ITLN2: variants seen among roughly 807,000 people sequenced by gnomAD.
The protein encoded by ITLN2 is intelectin 2, also known as intelectin-2.
ITLN2 carries 29 observed loss-of-function variants against 39.4 expected under a neutral mutation model. The ratio of observed to expected loss-of-function variants is 0.74; its 90% CI spans 0.55 to 1.00. The LOEUF is 1.00. Ranked by LOEUF, ITLN2 falls within the 50% of genes least tolerant of loss-of-function variation. ITLN2 has a pLI of 0.00. For missense variants in ITLN2, 412 were observed against 416.7 expected, an observed-to-expected ratio of 0.99 and a Z score of 0.10; for synonymous variants, 156 against 153.4, an observed-to-expected ratio of 1.02 and a Z score of -0.12.
chr1:160,954,764 T>C lies in ITLN2; in HGVS notation c.-23A>G. ...CATCCTTACAGATGCCAGGAGCTGA[T>C]AGTTCCCTTCCTGTGGACACTCGGA... On this transcript the variant is annotated 5_prime_UTR_variant, in exon 1 of 8. Coordinates refer to ENST00000368029, the MANE Select transcript of ITLN2 (RefSeq NM_080878.3). 1.2e-6 allele frequency: 2 copies of C among 1,613,696 alleles called. No individual in the cohort carries two copies. Among genetic ancestry groups the C allele is most frequent in the Non-Finnish European group, 1.7e-6 (2 of 1,179,738 alleles).
chr1:160,950,187 G>T (rs1671708912), intron 5 of ITLN2, 21 bp from the exon 6 acceptor site: 1 of 1,613,294 alleles, frequency 6.2e-7, no homozygotes, highest in Admixed American at 1.7e-5. Flanking sequence ...CCAGAAGAAA[G>T]GTTTTGTGAG....
rs771418333 is a variant in ITLN2 at position 160,950,584 on chromosome 1, C to G, written c.569G>C (p.Arg190Thr). 7 of 1,614,084 alleles carry G rather than the reference C, an allele frequency of 4.3e-6. No homozygotes were observed. The East Asian group carries it at 1.1e-4, about 26-fold the overall frequency. ...GATGCCAAACAGATTATGTCCCAGT[C>G]TCTGGAGGAAGCCAGTGTTGGTGCG... ...RYRTNTGFLQRLGHNLFGIYQ... is the reference protein window; with the variant it reads ...RYRTNTGFLQTLGHNLFGIYQ... The change falls in exon 5 of 8, where the codon AGA (arginine) becomes ACA (threonine). Residue 190 changes from arginine to threonine, a missense_variant. Physicochemically the swap from Arg to Thr is moderately conservative, Grantham distance 71. Coordinates refer to ENST00000368029, the MANE Select transcript of ITLN2 (RefSeq NM_080878.3).
intron 7 of ITLN2, among the ~76,000 whole-genome samples, 159 bp from the exon 8 acceptor site, chr1:160,945,451 G>T (rs1488846976): frequency 6.6e-6 from 1 of 152,174 alleles, no homozygotes; most frequent in Non-Finnish European, 1.5e-5. Context: ...CTGGCCCTAT[G>T]CATGTATTTT....
intron 5 of ITLN2, 78 bp from the exon 6 acceptor site, chr1:160,950,244 T>C: frequency 1.4e-6 from 2 of 1,467,320 alleles, no homozygotes; most frequent in Non-Finnish European, 1.9e-6. Flanking sequence ...GGGTTTCAAA[T>C]TAACTGCCAT....
Position 160,954,372 on chromosome 1 carries a change from T to C in ITLN2, c.79+15A>G, listed in dbSNP as rs759322242. 5.8e-5 allele frequency: 90 copies of C among 1,556,156 alleles called. No individual in the cohort carries two copies. The South Asian group carries it at 1.0e-3, about 18-fold the overall frequency. ...GCCCAGGAAACTGCAGCTCCTACTC[T>C]CAGAAGCCATTTACCTGCACTGCAC... On this transcript the variant is annotated intron_variant, in intron 2 of 7. Transcript: ENST00000368029.
intron 3 of ITLN2, chr1:160,951,558 A>T: frequency 2.5e-6 from 1 of 404,554 alleles, no homozygotes; most frequent in Admixed American, 4.2e-5. Flanking sequence ...CGACAGTGCC[A>T]CCCTGTGGCC....
rs2101941715 is a variant in ITLN2, at chr1:160,954,035, C to T, written c.79+352G>A. ...GGTGTACCCTGGACACAGCACTGAT[C>T]ACCCAGCTGCCTCTGGAGATCCCAA... On this transcript the variant is annotated intron_variant, in intron 2 of 7. Transcript: ENST00000368029. Among the ~76,000 whole-genome samples, 4 of 152,280 alleles carry T rather than the reference C, an allele frequency of 2.6e-5. No homozygotes were observed. The South Asian group carries it at 8.3e-4, about 32-fold the overall frequency.
intron 2 of ITLN2, 123 bp downstream of exon 2, chr1:160,954,264 C>T: frequency 2.7e-6 from 2 of 750,520 alleles, no homozygotes; most frequent in South Asian, 1.8e-5. Flanking sequence ...GGGTTCCCTG[C>T]CTCTCCAGAA....
intron 1 of ITLN2, 136 bp downstream of exon 1, chr1:160,954,591 A>G: frequency 8.2e-7 from 1 of 1,223,580 alleles, no homozygotes; most frequent in Non-Finnish European, 1.2e-6. Context: ...CTCCTGGAAT[A>G]TGCCCCACGG....
At chr1:160,947,651 CTT>C (rs1671636683) in intron 7 of ITLN2, among the ~76,000 whole-genome samples, 1 of 152,236 alleles carries the variant, frequency 6.6e-6, no homozygotes, top group South Asian at 2.1e-4. Flanking sequence ...ATGGCGATGA[CTT>C]TTACCAAGCA....
rs192670612 is a variant in ITLN2, at chr1:160,954,627, G to A, written c.15+100C>T. 1.5e-5 allele frequency: 21 copies of A among 1,424,934 alleles called. No homozygotes were observed. In the East Asian group the frequency reaches 3.0e-4, roughly 20 times the overall value. The allele number at this position is 1,424,934 out of a possible 1,614,324, so 88.3% of individuals were successfully genotyped here. ...CTGTCCAACACTACAAATACCCAAG[G>A]GGCCATGGGCTCATTTCCCTGAAAC... On this transcript the variant is annotated intron_variant, in intron 1 of 7. Transcript: ENST00000368029.
rs1228645831 is a variant in ITLN2 at position 160,950,129 on chromosome 1, T to G, written c.638A>C (p.Asn213Thr). The change falls in exon 6 of 8, where the codon AAT becomes ACT. Residue 213 changes from asparagine (N) to threonine (T), a missense_variant. Coordinates refer to ENST00000368029, the MANE Select transcript of ITLN2 (RefSeq NM_080878.3). ...PVKYRSGKCW[N>T]DNGPAIPVVY... ...CACAGGTATGGCTGGGCCATTGTCA[T>G]TCCAACATTTCCCTGATCTGTATTT... The G allele has an allele frequency of 3.1e-6, 5 of 1,613,732 alleles. No individual in the cohort carries two copies. Among genetic ancestry groups the G allele is most frequent in the Non-Finnish European group, 3.4e-6 (4 of 1,179,734 alleles).
Position 160,954,798 on chromosome 1 carries a change from G to A in ITLN2, c.-57C>T. ...TCCTGTGGACACTCGGAGCTCCCCT[G>A]CAGAGGATCCTGATGAAGGGTGAAG... On this transcript the variant is annotated 5_prime_UTR_variant, in exon 1 of 8. Transcript: ENST00000368029. The A allele has an allele frequency of 6.3e-7, 1 of 1,590,532 alleles. No homozygotes were observed. The highest frequency in any genetic ancestry group is 8.6e-7 in the Non-Finnish European group (1 of 1,159,782).
chr1:160,945,110 G>A lies in ITLN2; in HGVS notation c.*30C>T, dbSNP rs768742905. On this transcript the variant is annotated 3_prime_UTR_variant, in exon 8 of 8. Transcript: ENST00000368029. Reference sequence around the variant, plus strand: ...CCAAATAGCCGGGGTTGGAAGATGGGTTCTCGCCCTGACACCGCAGAGCTC... The same window carrying A: ...CCAAATAGCCGGGGTTGGAAGATGGATTCTCGCCCTGACACCGCAGAGCTC... The A allele has an allele frequency of 3.2e-6, 5 of 1,548,104 alleles. No homozygotes were observed. The highest frequency in any genetic ancestry group is 1.3e-5 in the South Asian group (1 of 79,424).
At chr1:160,950,337 CTCTT>C (rs1239524289) in intron 5 of ITLN2, among the ~76,000 whole-genome samples, 171 bp from the exon 6 acceptor site, 1 of 152,192 alleles carries the variant, frequency 6.6e-6, no homozygotes, top group East Asian at 1.9e-4. Flanking sequence ...TTGTCCCTGT[CTCTT>C]TCTCCCCATG....
chr1:160,947,417 C>T (rs1671630267), intron 7 of ITLN2, among the ~76,000 whole-genome samples: 1 of 152,214 alleles, frequency 6.6e-6, no homozygotes, highest in Non-Finnish European at 1.5e-5. Flanking sequence ...AAGCCTTCCT[C>T]TTACCTCAAC....
chr1:160,951,141 G>A lies in ITLN2; in HGVS notation c.343C>T (p.Gln115Ter). The A allele has an allele frequency of 4.3e-6, 7 of 1,614,166 alleles. No individual in the cohort carries two copies. Among genetic ancestry groups the A allele is most frequent in the Non-Finnish European group, 5.9e-6 (7 of 1,180,022 alleles). ...KCTVGDRWSS[Q>*]QGNKADYPEG... is the part of the protein sequence containing the mutation. ...GGGTAGTCTGCTTTGTTGCCCTGCT[G>A]ACTGGACCAGCGATCACCCACCGTG... The change falls in exon 4 of 8, where the codon CAG (glutamine) becomes TAG (stop). Residue 115 changes from glutamine to a stop codon, truncating the protein, a stop_gained. Coordinates refer to ENST00000368029, the MANE Select transcript of ITLN2 (RefSeq NM_080878.3). LOFTEE classifies it high-confidence loss of function.
chr1:160,951,906 G>C (rs1649075758), intron 3 of ITLN2, among the ~76,000 whole-genome samples: 1 of 152,212 alleles, frequency 6.6e-6, no homozygotes, highest in Admixed American at 6.5e-5. Flanking sequence ...TCATGAGACA[G>C]CTGTCATAAC....
In ITLN2 at chr1:160,952,685, G is replaced by C; in HGVS notation, c.128C>G (p.Ala43Gly). 1 of 1,614,118 alleles carries C rather than the reference G, an allele frequency of 6.2e-7. No homozygotes were observed. The highest frequency in any genetic ancestry group is 8.5e-7 in the Non-Finnish European group (1 of 1,179,986). ...EMLSREFETC[A>G]FSFSSLPRSC... ...TCTAGGCAGGGAAGAAAAGGAGAAG[G>C]CACAGGTTTCGAATTCCCTCGAGAG... Residue 43 changes from alanine to glycine, a missense_variant, in exon 3 of 8, where the codon GCC (alanine) becomes GGC (glycine). By Grantham distance (60) the Ala-to-Gly change is moderately conservative. Coordinates refer to ENST00000368029, the MANE Select transcript of ITLN2 (RefSeq NM_080878.3).
Sources: gnomAD v4.1 joint callset for allele counts (sites outside exome capture counted in the v4.1 genomes callset) on GRCh38, gnomAD v4.1.1 for gene constraint, MANE v1.5 for transcripts, NCBI Gene and HGNC (gene_info 2026-07-23, HGNC 2026-07-21) for gene names.